The following CNTN1 variants were observed in gnomAD, a reference collection of about 807,000 sequenced individuals.
CNTN1 encodes the protein contactin 1, also known as contactin-1.
CNTN1 carries 38 observed loss-of-function variants against 126.4 expected under a neutral mutation model. That is an observed-to-expected ratio of 0.30 (90% CI 0.23 to 0.39). CNTN1 has a LOEUF of 0.39. Among genes scored for constraint, CNTN1 ranks in the 10% least tolerant of loss-of-function variants. The pLI is 1.00. For synonymous variants in CNTN1, 413 were observed against 422.6 expected, an observed-to-expected ratio of 0.98 and a Z score of 0.28; for missense variants, 1,009 against 1,248.4, an observed-to-expected ratio of 0.81 and a Z score of 2.89.
At chr12:40,843,491 A>C (rs1307295614) in intron 1 of CNTN1, among the ~76,000 whole-genome samples, 1 of 152,206 alleles carries the variant, frequency 6.6e-6, no homozygotes, top group African/African-American at 2.4e-5. Flanking sequence ...TATTCTGCTT[A>C]TCTCTCCATA....
intron 1 of CNTN1, among the ~76,000 whole-genome samples, chr12:40,841,673 A>G (rs1397955776): frequency 9.2e-6 from 1 of 108,142 alleles, no homozygotes; most frequent in Non-Finnish European, 2.0e-5. Flanking sequence ...TTGGGGACAA[A>G]AACCATATGA....
intron 1 of CNTN1, among the ~76,000 whole-genome samples, chr12:40,708,898 T>G (rs763404981): frequency 4.6e-5 from 7 of 152,224 alleles, no homozygotes; most frequent in Admixed American, 2.0e-4. Context: ...TTCTACCACT[T>G]TTGCATTTAT....
chr12:41,048,941 G>T (rs1298753964), intron 23 of CNTN1, among the ~76,000 whole-genome samples: 1 of 152,074 alleles, frequency 6.6e-6, no homozygotes, highest in Non-Finnish European at 1.5e-5. Flanking sequence ...GTTCCAATCA[G>T]ATTTTCACCA....
At chr12:40,993,027 C>A in intron 16 of CNTN1, 93 bp from the exon 17 acceptor site, 1 of 1,159,400 alleles carries the variant, frequency 8.6e-7, no homozygotes, top group Non-Finnish European at 1.3e-6. Flanking sequence ...GTAATATATA[C>A]CATTCTCCCT....
intron 1 of CNTN1, among the ~76,000 whole-genome samples, chr12:40,881,648 G>A (rs572713744): frequency 3.3e-5 from 5 of 151,918 alleles, no homozygotes; most frequent in African/African-American, 7.2e-5. Flanking sequence ...TCCTAAGAAG[G>A]ATCAGAAAAT....
chr12:40,834,838 T>A (rs1418819193), intron 1 of CNTN1, among the ~76,000 whole-genome samples: 1 of 152,046 alleles, frequency 6.6e-6, no homozygotes, highest in South Asian at 2.1e-4. Flanking sequence ...AGAAGGAAAA[T>A]TTTAGTATAA....
At chr12:40,693,015 TCATCTTTCCCATC>T (rs1565606847) in intron 1 of CNTN1, among the ~76,000 whole-genome samples, 1 of 152,036 alleles carries the variant, frequency 6.6e-6, no homozygotes, top group Non-Finnish European at 1.5e-5. Flanking sequence ...CCGCACCTGC[TCATCTTTCCCATC>T]CCACCTGGGC....
chr12:40,858,663 G>A (rs2772458), intron 1 of CNTN1, among the ~76,000 whole-genome samples: 85,102 of 152,038 alleles, frequency 0.56, 25,449 homozygotes, highest in African/African-American at 0.8. Flanking sequence ...TTCTATTACA[G>A]AAATACATGC....
chr12:40,752,332 T>G lies in CNTN1; in HGVS notation c.-77+59740T>G, dbSNP rs1279349853. Among the ~76,000 whole-genome samples, 3 of 152,114 alleles carry G rather than the reference T, an allele frequency of 2.0e-5. 1 individual carries two copies. The highest frequency in any genetic ancestry group is 7.2e-5 in the African/African-American group (3 of 41,444). On this transcript the variant is annotated intron_variant, in intron 1 of 23. Transcript: ENST00000551295. ...ACATTCATTGTCCTTTGAATAATAC[T>G]CTGTTGCTTGAGTAGAATCTCAAGA...
chr12:40,847,800 G>T (rs930406644), intron 1 of CNTN1, among the ~76,000 whole-genome samples: 6 of 152,212 alleles, frequency 3.9e-5, no homozygotes, highest in Non-Finnish European at 2.9e-5. Context: ...GCCCCCAACC[G>T]TTTTGGCACC....
At chr12:40,887,500 A>C (rs1467451537) in intron 1 of CNTN1, among the ~76,000 whole-genome samples, 2 of 152,198 alleles carry the variant, frequency 1.3e-5, no homozygotes, top group African/African-American at 4.8e-5. Context: ...CGATCATTAA[A>C]AAGTCAGGAA....
chr12:40,704,323 T>C (rs1941678724), intron 1 of CNTN1, among the ~76,000 whole-genome samples: 1 of 152,142 alleles, frequency 6.6e-6, no homozygotes, highest in African/African-American at 2.4e-5. Context: ...AGAAAAGAAA[T>C]TTTGAAAAAT....
chr12:40,811,749 C>A (rs1941072686), intron 1 of CNTN1, among the ~76,000 whole-genome samples: 1 of 149,724 alleles, frequency 6.7e-6, no homozygotes, highest in Non-Finnish European at 1.5e-5. Flanking sequence ...CTGTTATATC[C>A]TTTTTCATTT....
At chr12:41,051,677 G>A (rs1341378321) in intron 23 of CNTN1, among the ~76,000 whole-genome samples, 1 of 151,722 alleles carries the variant, frequency 6.6e-6, no homozygotes. Context: ...CTCAGGTAGG[G>A]GTGAACCTAT....
chr12:40,884,326 A>G (rs558079979), intron 1 of CNTN1, among the ~76,000 whole-genome samples: 1 of 151,610 alleles, frequency 6.6e-6, no homozygotes, highest in African/African-American at 2.4e-5. Context: ...GCATTTTCAT[A>G]TAATCCAGTA....
intron 1 of CNTN1, among the ~76,000 whole-genome samples, chr12:40,714,527 G>C (rs1207072218): frequency 6.6e-6 from 1 of 152,078 alleles, no homozygotes; most frequent in Non-Finnish European, 1.5e-5. Context: ...TAGAGGTTGA[G>C]ATCAATATTA....
chr12:41,033,296 C>T (rs12321711), intron 23 of CNTN1, among the ~76,000 whole-genome samples: 3 of 152,024 alleles, frequency 2.0e-5, no homozygotes, highest in South Asian at 4.1e-4. Context: ...CTTCAAAAAC[C>T]GTTTTTAATA....
chr12:40,964,881 G>A (rs992563683), intron 15 of CNTN1, among the ~76,000 whole-genome samples: 1 of 152,008 alleles, frequency 6.6e-6, no homozygotes, highest in Non-Finnish European at 1.5e-5. Context: ...TCTTTTCTAT[G>A]GAAAATGCTC....
chr12:41,006,892 A>G (rs1365770042), intron 17 of CNTN1, among the ~76,000 whole-genome samples: 1 of 152,148 alleles, frequency 6.6e-6, no homozygotes, highest in Non-Finnish European at 1.5e-5. Flanking sequence ...AACAATGAAT[A>G]CTTTGTTCAT....
Sources: allele counts gnomAD v4.1 joint callset (sites outside exome capture counted in the v4.1 genomes callset), GRCh38; gene constraint gnomAD v4.1.1; transcripts MANE v1.5; gene names NCBI Gene and HGNC (gene_info 2026-07-23, HGNC 2026-07-21).